ACACA: variants seen among roughly 807,000 people sequenced by gnomAD.
The protein encoded by ACACA is acetyl-CoA carboxylase alpha, also known as acetyl-CoA carboxylase 1.
ACACA carries 103 observed loss-of-function variants against 296.1 expected under a neutral mutation model. The ratio of observed to expected loss-of-function variants is 0.35; its 90% CI spans 0.30 to 0.41. The LOEUF (loss-of-function observed/expected upper bound fraction) is 0.41. Ranked by LOEUF, ACACA falls within the 10% of genes least tolerant of loss-of-function variation. The probability of loss-of-function intolerance (pLI) is 1.00; values close to 1 mark genes in which losing one functional copy is unlikely to be tolerated. For synonymous variants in ACACA, 953 were observed against 1,038.6 expected (o/e 0.92, Z 1.58); for missense variants, 1,554 against 2,989.7 (o/e 0.52, Z 11.20).
At chr17:37,313,392 C>T (rs1019870955) in intron 3 of ACACA, among the ~76,000 whole-genome samples, 1 of 151,906 alleles carries the variant, frequency 6.6e-6, no homozygotes, top group Non-Finnish European at 1.5e-5. Context: ...GTTATTACAA[C>T]TTCATTTTCA....
At position 37,173,332 on chromosome 17, in the gene ACACA, G is replaced by A. The variant is rs75082597; in HGVS notation, c.5079+5928C>T. 5.0e-3 allele frequency among the ~76,000 whole-genome samples: 767 copies of A among 152,224 alleles called. 9 individuals are homozygous for A. Among genetic ancestry groups the A allele is most frequent in the African/African-American group, 0.017 (706 of 41,546 alleles). On this transcript the variant is annotated intron_variant, in intron 41 of 55. Transcript: ENST00000616317. ...GTGAATTAAGACAGAGGGTTATGGT[G>A]GTTTTTCTAAAATAAGAGGTCCTTT...
At chr17:37,390,304 T>TTTTATATATATATA (rs1201500381) in intron 1 of ACACA, among the ~76,000 whole-genome samples, 2 of 17,976 alleles carry the variant, frequency 1.1e-4, no homozygotes, top group African/African-American at 3.8e-4. Flanking sequence ...TTATACATAA[T>TTTTATATATATATA]TATATATATA....
intron 32 of ACACA, 86 bp downstream of exon 32, chr17:37,206,697 T>C: frequency 3.6e-6 from 4 of 1,124,208 alleles, no homozygotes; most frequent in Non-Finnish European, 5.3e-6. Flanking sequence ...TTCTTTCCTA[T>C]AATAGTTCAA....
intron 45 of ACACA, among the ~76,000 whole-genome samples, chr17:37,147,206 G>A (rs1172802806): frequency 6.6e-6 from 1 of 152,050 alleles, no homozygotes; most frequent in East Asian, 1.9e-4. Flanking sequence ...ACCTTACACA[G>A]GTACATACTA....
chr17:37,377,904 G>A (rs552535331), intron 1 of ACACA: 19 of 1,613,050 alleles, frequency 1.2e-5, no homozygotes, highest in Non-Finnish European at 1.6e-5. Context: ...GTTGCCGACT[G>A]GAACAGCTGC....
In ACACA at chr17:37,140,324, T is replaced by C. The variant is rs1399922113; in HGVS notation, c.5679+9540A>G. 2.6e-5 allele frequency among the ~76,000 whole-genome samples: 4 copies of C among 152,328 alleles called. No individual in the cohort carries two copies. The East Asian group carries it at 7.7e-4, about 29-fold the overall frequency. On this transcript the variant is annotated intron_variant, in intron 45 of 55. Coordinates refer to ENST00000616317, the MANE Select transcript of ACACA (RefSeq NM_198834.3). The stretch of plus-strand genomic sequence containing the variant: ...AAATCATCATGCTCTTCAACTTCCA[T>C]TCCTGGTCTCACGAGTATGTAATAA...
At chr17:37,275,034 C>T (rs554719563) in intron 8 of ACACA, among the ~76,000 whole-genome samples, 6 of 151,704 alleles carry the variant, frequency 4.0e-5, no homozygotes, top group African/African-American at 1.5e-4. Flanking sequence ...TCACATGGAA[C>T]TGTTTAAGGG....
chr17:37,393,780 TGC>T (rs1376870243), intron 1 of ACACA, among the ~76,000 whole-genome samples: 2 of 150,934 alleles, frequency 1.3e-5, no homozygotes, highest in African/African-American at 2.4e-5. Context: ...ATTGAACCAT[TGC>T]ACTCCAGCCT....
chr17:37,183,080 CTG>C (rs940436878), intron 39 of ACACA, among the ~76,000 whole-genome samples: 1 of 152,166 alleles, frequency 6.6e-6, no homozygotes, highest in African/African-American at 2.4e-5. Context: ...TATGAGAAAA[CTG>C]TACTCAGAGC....
chr17:37,103,827 A>G (rs967592501), intron 52 of ACACA, among the ~76,000 whole-genome samples: 4 of 152,186 alleles, frequency 2.6e-5, no homozygotes, highest in African/African-American at 9.6e-5. Flanking sequence ...GCTTGAGCCC[A>G]GGGGTTCAAT....
intron 21 of ACACA, 85 bp downstream of exon 21, chr17:37,244,503 T>TA (rs2080591635): frequency 1.3e-6 from 2 of 1,546,990 alleles, no homozygotes. Context: ...TCCTCCCTCT[T>TA]AAACAATCAT....
intron 41 of ACACA, among the ~76,000 whole-genome samples, chr17:37,162,457 C>G (rs2076497855): frequency 6.6e-6 from 1 of 152,066 alleles, no homozygotes; most frequent in African/African-American, 2.4e-5. Context: ...AGATATGATT[C>G]CTAACATTAG....
At chr17:37,224,906 T>C in intron 27 of ACACA, 86 bp downstream of exon 27, 1 of 542,616 alleles carries the variant, frequency 1.8e-6, no homozygotes, top group Non-Finnish European at 3.1e-6. Context: ...ATTAAGTGAC[T>C]AATTACTTAA....
At chr17:37,223,643 A>C (rs769750045) in intron 27 of ACACA, 42 bp from the exon 28 acceptor site, 1 of 1,417,030 alleles carries the variant, frequency 7.1e-7, no homozygotes, top group African/African-American at 1.4e-5. Flanking sequence ...CATCAAAAGG[A>C]GAACAATTTC....
intron 1 of ACACA, among the ~76,000 whole-genome samples, chr17:37,405,971 T>A (rs1329552721): frequency 2.0e-5 from 3 of 151,842 alleles, no homozygotes; most frequent in African/African-American, 7.3e-5. Context: ...TGGGCAAATT[T>A]ATCAAAGGCA....
At chr17:37,302,207 T>TC (rs1363375857) in intron 3 of ACACA, among the ~76,000 whole-genome samples, 3 of 150,486 alleles carry the variant, frequency 2.0e-5, no homozygotes, top group Non-Finnish European at 3.0e-5. Context: ...GAACTCTTTT[T>TC]TTTTTTTTTT....
chr17:37,212,849 G>A (rs2078811489), intron 29 of ACACA, among the ~76,000 whole-genome samples: 1 of 150,196 alleles, frequency 6.7e-6, no homozygotes, highest in Non-Finnish European at 1.5e-5. Flanking sequence ...TATGACAAAT[G>A]TGGCATATCG....
chr17:37,128,036 A>AAAAAG (rs2074897840), intron 47 of ACACA, among the ~76,000 whole-genome samples: 10 of 147,658 alleles, frequency 6.8e-5, no homozygotes, highest in Non-Finnish European at 1.3e-4. Context: ...AAAAAAAAAA[A>AAAAAG]AAAAAAAAAA....
At chr17:37,358,907 T>G (rs1477986671) in intron 1 of ACACA, 1 of 974,748 alleles carries the variant, frequency 1.0e-6, no homozygotes, top group East Asian at 1.1e-4. Flanking sequence ...GAGCGGAGGC[T>G]GGGAGGCGGC....
Sources: gnomAD v4.1 joint callset for allele counts (sites outside exome capture counted in the v4.1 genomes callset) on GRCh38, gnomAD v4.1.1 for gene constraint, MANE v1.5 for transcripts, NCBI Gene and HGNC (gene_info 2026-07-23, HGNC 2026-07-21) for gene names.